Variants in ATP13A1 observed in about 807,000 individuals in gnomAD.
ATP13A1 encodes ATPase 13A1.
A neutral mutation model predicts 134.8 loss-of-function variants in ATP13A1; 55 were observed. The observed-to-expected ratio is 0.41, with a 90% CI of 0.33 to 0.51. The LOEUF is 0.51. Ranked by LOEUF, ATP13A1 falls within the 20% of genes least tolerant of loss-of-function variation. The probability of loss-of-function intolerance (pLI) is 0.29; values close to 1 mark genes in which losing one functional copy is unlikely to be tolerated. For synonymous variants in ATP13A1, 775 were observed against 725.1 expected, an observed-to-expected ratio of 1.07 and a Z score of -1.10; for missense variants, 1,389 against 1,652.8, an observed-to-expected ratio of 0.84 and a Z score of 2.77.
At chr19:19,654,746 G>A (rs768523328) in intron 12 of ATP13A1, 46 bp from the exon 13 acceptor site, 65 of 1,566,248 alleles carry the variant, frequency 4.2e-5, no homozygotes, top group Non-Finnish European at 5.1e-5. Context: ...GGCGGGTAGG[G>A]CGAAGCTGCA....
intron 1 of ATP13A1, chr19:19,662,142 G>A (rs1323881988): frequency 3.9e-6 from 6 of 1,556,370 alleles, no homozygotes; most frequent in East Asian, 4.8e-5. Flanking sequence ...TAAGAGCTAA[G>A]CTGCTTAGCT....
chr19:19,655,274 G>A lies in ATP13A1; in HGVS notation c.1535-35C>T, dbSNP rs770253198. On this transcript the variant is annotated intron_variant, in intron 11 of 25. Coordinates refer to ENST00000357324, the MANE Select transcript of ATP13A1 (RefSeq NM_020410.3). The surrounding 1 kb of genome is among the most constrained non-coding windows in gnomAD (Gnocchi z 5.7). ...GGAGTGAGGTCAGGGGTCCTGCTTG[G>A]CCCCAGCCCACTCGGCACCCCATCC... 1.9e-6 allele frequency: 3 copies of A among 1,613,928 alleles called. No individual in the cohort carries two copies. Among genetic ancestry groups the A allele is most frequent in the Non-Finnish European group, 1.7e-6 (2 of 1,179,866 alleles).
chr19:19,652,563 T>C (rs763326424), intron 16 of ATP13A1, 32 bp downstream of exon 16: 8 of 1,595,322 alleles, frequency 5.0e-6, no homozygotes, highest in Non-Finnish European at 6.0e-6. Flanking sequence ...CTATTTCCCA[T>C]GCAGAGGGTG....
rs182197903 is a variant in ATP13A1, at chr19:19,657,718, C to T, written c.678-310G>A. ...CTGGGGCTGGTGTCAGACGAGAGCC[C>T]GTCATCTGGTCGAGTGACACAGCAA... On this transcript the variant is annotated intron_variant, in intron 3 of 25. Coordinates refer to ENST00000357324, the MANE Select transcript of ATP13A1 (RefSeq NM_020410.3). 7.2e-5 allele frequency among the ~76,000 whole-genome samples: 11 copies of T among 152,248 alleles called. No individual in the cohort carries two copies. In the South Asian group the frequency reaches 1.7e-3, roughly 23 times the overall value.
chr19:19,651,925 T>C, intron 16 of ATP13A1, 128 bp from the exon 17 acceptor site: 1 of 701,706 alleles, frequency 1.4e-6, no homozygotes. Context: ...ACCGAGATGC[T>C]GAATGGGCTT....
chr19:19,646,475 G>A (rs1599425832), intron 22 of ATP13A1, 128 bp from the exon 23 acceptor site: 2 of 1,118,774 alleles, frequency 1.8e-6, no homozygotes, highest in Non-Finnish European at 2.6e-6. Context: ...AATCCTGGGG[G>A]ATTCCATGGG....
rs2061995612 is a variant in ATP13A1, at chr19:19,647,753, G to A, written c.2639C>T (p.Ala880Val). The change falls in exon 20 of 26, where the codon GCG (alanine) becomes GTG (valine). Residue 880 changes from alanine to valine, a missense_variant. Transcript: ENST00000357324. The surrounding 1 kb of genome is among the most constrained non-coding windows in gnomAD (Gnocchi z 4.8). ...CCGCTCAGGGGCATTGGCCAAGAGCGCCACACCTGGGGGGCAGGAGGGTGT... is the reference window on the plus strand; with the variant it reads ...CCGCTCAGGGGCATTGGCCAAGAGCACCACACCTGGGGGGCAGGAGGGTGT... The part of the protein sequence containing the change: ...GALKHADVGV[A>V]LLANAPERVV... 3 of 1,595,398 alleles carry A rather than the reference G, an allele frequency of 1.9e-6. No homozygotes were observed. The highest frequency in any genetic ancestry group is 1.3e-5 in the African/African-American group (1 of 74,744).
rs1482659996 is a variant in ATP13A1, at chr19:19,654,714, G to C, written c.1656-14C>G. 1.2e-6 allele frequency: 2 copies of C among 1,605,800 alleles called. No homozygotes were observed. Among genetic ancestry groups the C allele is most frequent in the Non-Finnish European group, 1.7e-6 (2 of 1,176,512 alleles). Reference sequence around the variant, plus strand: ...TCCTTCCCGTCTCTGCAAGGTCGGGGAACAGCTGGTTACAGAGTGCAGGCG... The same window carrying C: ...TCCTTCCCGTCTCTGCAAGGTCGGGCAACAGCTGGTTACAGAGTGCAGGCG... On this transcript the variant is annotated splice_polypyrimidine_tract_variant and intron_variant, in intron 12 of 25. Transcript: ENST00000357324.
In ATP13A1 at chr19:19,645,262, C is replaced by A; in HGVS notation, c.*160G>T. The stretch of plus-strand genomic sequence containing the variant: ...CTGGCTTGGGGCTGGTTCTGCTGGC[C>A]AAGCCAGCGGATGGCTGTGGGGGTC... On this transcript the variant is annotated 3_prime_UTR_variant, in exon 26 of 26. Coordinates refer to ENST00000357324, the MANE Select transcript of ATP13A1 (RefSeq NM_020410.3). This position sits in a 1 kb window ranked among gnomAD's most constrained non-coding sequence, Gnocchi z 4.1. 1 of 784,516 alleles carries A rather than the reference C, an allele frequency of 1.3e-6. No homozygotes were observed. The highest frequency in any genetic ancestry group is 2.0e-6 in the Non-Finnish European group (1 of 492,930). 48.6% of individuals were successfully genotyped at this position (784,516 alleles called of 1,614,324 possible). A position where few individuals can be genotyped will look rare whatever the true frequency, so the allele number is the denominator to read the frequency against.
In ATP13A1 at chr19:19,655,805, G is replaced by C; in HGVS notation, c.1269+73C>G. 1 of 1,538,048 alleles carries C rather than the reference G, an allele frequency of 6.5e-7. No individual in the cohort carries two copies. The highest frequency in any genetic ancestry group is 2.4e-5 in the East Asian group (1 of 41,132). On this transcript the variant is annotated intron_variant, in intron 9 of 25. Transcript: ENST00000357324. This position sits in a 1 kb window ranked among gnomAD's most constrained non-coding sequence, Gnocchi z 5.7. ...AGTCAGCCCGTGGGGCAGATGTTCT[G>C]GGGTCGGAAAGGGCTGATACCTTGG...
chr19:19,653,966 C>T lies in ATP13A1; in HGVS notation c.1989+3G>A, dbSNP rs1471993546. 1.3e-6 allele frequency: 2 copies of T among 1,591,262 alleles called. No homozygotes were observed. Among genetic ancestry groups the T allele is most frequent in the East Asian group, 2.3e-5 (1 of 43,738 alleles). ...CCCTTGCCCCAGGCTGGGGCCAGCT[C>T]ACCATGGAGTGCAGAGTTTCGGGGG... On this transcript the variant is annotated splice_donor_region_variant and intron_variant, in intron 14 of 25. Transcript: ENST00000357324. This position sits in a 1 kb window ranked among gnomAD's most constrained non-coding sequence, Gnocchi z 4.2.
At position 19,656,517 on chromosome 19, in the gene ATP13A1, G is replaced by A; in HGVS notation, c.1083+143C>T. The A allele has an allele frequency of 1.1e-6, 1 of 930,980 alleles. No homozygotes were observed. The highest frequency in any genetic ancestry group is 1.6e-6 in the Non-Finnish European group (1 of 621,286). 57.7% of individuals were successfully genotyped at this position (930,980 alleles called of 1,614,324 possible). ...CCTCCTTCCTCGCCCCCACCACCCG[G>A]CTCCCCAGTCCACAGAGCTCATCTG... On this transcript the variant is annotated intron_variant, in intron 7 of 25. Transcript: ENST00000357324. The surrounding 1 kb of genome is among the most constrained non-coding windows in gnomAD (Gnocchi z 4.6).
In ATP13A1 at chr19:19,647,251, C is replaced by T. The variant is rs1389993087; in HGVS notation, c.2983G>A (p.Ala995Thr). The T allele has an allele frequency of 1.2e-6, 2 of 1,613,750 alleles. No homozygotes were observed. The highest frequency in any genetic ancestry group is 1.7e-6 in the Non-Finnish European group (2 of 1,179,882). Residue 995 changes from alanine to threonine, a missense_variant, in exon 22 of 26, where the codon GCC (alanine) becomes ACC (threonine). By Grantham distance (58) the Ala-to-Thr change is moderately conservative. Transcript: ENST00000357324. This position sits in a 1 kb window ranked among gnomAD's most constrained non-coding sequence, Gnocchi z 4.8. Reference protein sequence around the residue: ...LQMFKILALNALILAYSQSVL... With the variant: ...LQMFKILALNTLILAYSQSVL... ...CTCTGGCTGTAGGCCAGGATGAGGG[C>T]ATTGAGCGCCAGGATCTTGAACATC...
intron 3 of ATP13A1, among the ~76,000 whole-genome samples, chr19:19,657,765 G>A (rs535869678): frequency 1.1e-3 from 165 of 152,318 alleles, no homozygotes; most frequent in Non-Finnish European, 1.5e-3. Flanking sequence ...ACCTCTGATT[G>A]AAAGATGGAG....
chr19:19,647,202 T>G lies in ATP13A1; in HGVS notation c.3032A>C (p.Lys1011Thr), dbSNP rs1348141515. The change falls in exon 22 of 26, where the codon AAG becomes ACG. Residue 1011 changes from lysine (K) to threonine (T), a missense_variant. By Grantham distance (78) the Lys-to-Thr change is moderately conservative (BLOSUM62 -1). Around this residue, in one of 4 missense-constraint regions of ATP13A1, gnomAD observed 228 missense variants for 321.0 expected, o/e 0.71. Coordinates refer to ENST00000357324, the MANE Select transcript of ATP13A1 (RefSeq NM_020410.3). The surrounding 1 kb of genome is among the most constrained non-coding windows in gnomAD (Gnocchi z 4.8). ...TAGGGTGGCCTGGAAGTCACTGAACTTGACTCCCTCCAGGTAGAGGACGCT... is the reference window on the plus strand; with the variant it reads ...TAGGGTGGCCTGGAAGTCACTGAACGTGACTCCCTCCAGGTAGAGGACGCT... ...SQSVLYLEGV[K>T]FSDFQATLQG... 1 of 1,613,902 alleles carries G rather than the reference T, an allele frequency of 6.2e-7. No individual in the cohort carries two copies. Among genetic ancestry groups the G allele is most frequent in the South Asian group, 1.1e-5 (1 of 91,086 alleles).
intron 16 of ATP13A1, 86 bp downstream of exon 16, chr19:19,652,509 G>A (rs1330812402): frequency 6.7e-7 from 1 of 1,491,000 alleles, no homozygotes; most frequent in East Asian, 2.5e-5. Context: ...TGAGACTTGG[G>A]TGCCCACCCC....
chr19:19,658,490 C>G (rs1404219817), intron 3 of ATP13A1, among the ~76,000 whole-genome samples: 2 of 152,166 alleles, frequency 1.3e-5, no homozygotes, highest in East Asian at 3.9e-4. Context: ...CTAAATGTTT[C>G]TTATAAATCC....
chr19:19,646,318 G>T lies in ATP13A1; in HGVS notation c.3135C>A (p.Pro1045=), dbSNP rs755880495. ...KPLKTLSRER[P]LPNIFNLYTI... ...TGTACAGGTTGAAGATGTTGGGCAG[G>T]GGCCGTTCTCGGGAGAGGGTCTTGA... The change falls in exon 23 of 26, where the codon CCC becomes CCA. Residue 1045 remains proline (P), a synonymous_variant. Coordinates refer to ENST00000357324, the MANE Select transcript of ATP13A1 (RefSeq NM_020410.3). 6.2e-7 allele frequency: 1 copy of T among 1,613,934 alleles called. No individual in the cohort carries two copies. Among genetic ancestry groups the T allele is most frequent in the Admixed American group, 1.7e-5 (1 of 60,018 alleles).
At position 19,663,344 on chromosome 19, in the gene ATP13A1, C is replaced by T. The variant is rs1433335914; in HGVS notation, c.323G>A (p.Cys108Tyr). The change falls in exon 1 of 26, where the codon TGC becomes TAC. Residue 108 changes from cysteine to tyrosine, a missense_variant. Transcript: ENST00000357324. ...EAALLVLATI[C>Y]LAHALTVLSG... ...GAGGACAGTGAGCGCGTGCGCGAGG[C>T]AGATGGTGGCAAGCACGAGCAGCGC... The T allele has an allele frequency of 1.9e-6, 3 of 1,592,636 alleles. No homozygotes were observed. Among genetic ancestry groups the T allele is most frequent in the Non-Finnish European group, 2.6e-6 (3 of 1,170,868 alleles).
Sources: gnomAD v4.1 joint callset for allele counts (sites outside exome capture counted in the v4.1 genomes callset) on GRCh38, gnomAD v4.1.1 for gene constraint, gnomAD v4.1.1 regional missense constraint, Gnocchi (gnomAD v3.1) non-coding constraint, MANE v1.5 for transcripts, NCBI Gene and HGNC (gene_info 2026-07-23, HGNC 2026-07-21) for gene names.